FSTL5: variants seen among roughly 807,000 people sequenced by gnomAD.
FSTL5 encodes follistatin like 5.
In FSTL5, 62 loss-of-function variants were observed where a neutral mutation model predicts 89.1. The ratio of observed to expected loss-of-function variants is 0.70; its 90% CI spans 0.57 to 0.86. The LOEUF is 0.86. FSTL5 is among the 40% of genes least tolerant of loss of function. The pLI is 0.00. For missense variants in FSTL5, 1,057 were observed against 1,001.6 expected (o/e 1.06, Z -0.75); for synonymous variants, 383 against 346.2 (o/e 1.11, Z -1.18).
chr4:162,102,601 ATAT>A (rs1311596433), intron 2 of FSTL5, among the ~76,000 whole-genome samples: 1 of 145,762 alleles, frequency 6.9e-6, no homozygotes, highest in Non-Finnish European at 1.5e-5. Context: ...TATATATTTA[ATAT>A]TATATTATAT....
chr4:161,616,626 C>A (rs1734878900), intron 7 of FSTL5, among the ~76,000 whole-genome samples: 1 of 152,046 alleles, frequency 6.6e-6, no homozygotes, highest in South Asian at 2.1e-4. Flanking sequence ...ATGCATCAAT[C>A]CTATTATCCC....
At chr4:162,050,489 C>T (rs193302360) in intron 2 of FSTL5, among the ~76,000 whole-genome samples, 1 of 149,642 alleles carries the variant, frequency 6.7e-6, no homozygotes, top group Non-Finnish European at 1.5e-5. Flanking sequence ...TGAACTATTT[C>T]TATTTAAATA....
chr4:161,461,701 G>A (rs1733590335), intron 13 of FSTL5, among the ~76,000 whole-genome samples: 1 of 151,832 alleles, frequency 6.6e-6, no homozygotes, highest in African/African-American at 2.4e-5. Context: ...ATTTTTTCAT[G>A]TACTAATCAA....
At chr4:161,838,439 C>T (rs1364323083) in intron 4 of FSTL5, among the ~76,000 whole-genome samples, 2 of 152,046 alleles carry the variant, frequency 1.3e-5, no homozygotes, top group Non-Finnish European at 2.9e-5. Flanking sequence ...CCCACCACCG[C>T]GCCCGGCTAA....
intron 2 of FSTL5, among the ~76,000 whole-genome samples, chr4:162,103,690 TTACTGTCCCC>T (rs1425312882): frequency 1.3e-5 from 2 of 152,178 alleles, no homozygotes; most frequent in East Asian, 3.9e-4. Flanking sequence ...AAATGACCAC[TTACTGTCCCC>T]TACTGAGAGA....
intron 15 of FSTL5, among the ~76,000 whole-genome samples, chr4:161,452,534 C>A (rs1733201940): frequency 6.6e-6 from 1 of 151,820 alleles, no homozygotes; most frequent in African/African-American, 2.4e-5. Flanking sequence ...ATATTCATTG[C>A]TCAGGTGTTC....
At chr4:161,634,240 C>G (rs1735609331) in intron 7 of FSTL5, among the ~76,000 whole-genome samples, 1 of 152,108 alleles carries the variant, frequency 6.6e-6, no homozygotes, top group Non-Finnish European at 1.5e-5. Context: ...GATAATAATA[C>G]AAAACTTTCA....
At chr4:161,946,739 C>A (rs1229332798) in intron 3 of FSTL5, among the ~76,000 whole-genome samples, 2 of 152,130 alleles carry the variant, frequency 1.3e-5, no homozygotes, top group Non-Finnish European at 2.9e-5. Context: ...GAAGTATGTT[C>A]TCATTATTCT....
intron 8 of FSTL5, among the ~76,000 whole-genome samples, chr4:161,546,256 TAAG>T (rs1732001309): frequency 6.7e-6 from 1 of 148,434 alleles, no homozygotes; most frequent in African/African-American, 2.4e-5. Context: ...TAGAATAGAT[TAAG>T]AATACTATAA....
chr4:162,052,733 C>A (rs1738420623), intron 2 of FSTL5, among the ~76,000 whole-genome samples: 1 of 151,722 alleles, frequency 6.6e-6, no homozygotes, highest in Non-Finnish European at 1.5e-5. Flanking sequence ...GTGACAAAAA[C>A]CATGATATTA....
At chr4:161,630,158 T>C (rs76994279) in intron 7 of FSTL5, among the ~76,000 whole-genome samples, 3,310 of 152,264 alleles carry the variant, frequency 0.022, 111 homozygotes, top group African/African-American at 0.074. Flanking sequence ...TCCATAAAAC[T>C]GCGGGACCCT....
chr4:161,668,750 A>G (rs1173532217), intron 6 of FSTL5, among the ~76,000 whole-genome samples: 2 of 152,170 alleles, frequency 1.3e-5, no homozygotes, highest in African/African-American at 4.8e-5. Flanking sequence ...CATCAACAAG[A>G]TAAGAGGAAA....
intron 3 of FSTL5, among the ~76,000 whole-genome samples, chr4:162,017,463 A>G (rs1736946738): frequency 6.6e-6 from 1 of 152,186 alleles, no homozygotes. Flanking sequence ...AGATGACCAT[A>G]TAAGGTGGCA....
At chr4:162,098,869 C>T (rs1480972694) in intron 2 of FSTL5, among the ~76,000 whole-genome samples, 1 of 152,048 alleles carries the variant, frequency 6.6e-6, no homozygotes, top group African/African-American at 2.4e-5. Context: ...TGCACATCTA[C>T]ATGCAAAAAC....
chr4:161,478,133 T>G (rs1029093605), intron 13 of FSTL5, among the ~76,000 whole-genome samples: 2 of 152,074 alleles, frequency 1.3e-5, no homozygotes, highest in Non-Finnish European at 2.9e-5. Context: ...AGAAATAAAG[T>G]GTACAAAATT....
chr4:161,948,485 C>CTT (rs35577056), intron 3 of FSTL5, among the ~76,000 whole-genome samples: 36,884 of 113,964 alleles, frequency 0.32, 7,888 homozygotes, highest in Non-Finnish European at 0.42. Context: ...TCTTTTCTTT[C>CTT]TTTTTTTTTT....
chr4:162,013,248 G>C (rs1264992374), intron 3 of FSTL5, among the ~76,000 whole-genome samples: 6 of 151,926 alleles, frequency 3.9e-5, no homozygotes, highest in African/African-American at 1.5e-4. Flanking sequence ...CATTTCTCAA[G>C]ATCACTTCAA....
chr4:161,784,659 C>T (rs554273654), intron 4 of FSTL5, among the ~76,000 whole-genome samples: 2 of 151,964 alleles, frequency 1.3e-5, no homozygotes, highest in East Asian at 2.0e-4. Flanking sequence ...CTTTGGAAGG[C>T]GGAGGCGGGT....
intron 5 of FSTL5, among the ~76,000 whole-genome samples, chr4:161,768,204 A>G (rs1249625614): frequency 2.0e-5 from 3 of 152,098 alleles, no homozygotes; most frequent in Non-Finnish European, 4.4e-5. Flanking sequence ...TAGAACTTCA[A>G]ATATCTGTGC....
Sources: gnomAD v4.1 joint callset for allele counts (sites outside exome capture counted in the v4.1 genomes callset) on GRCh38, gnomAD v4.1.1 for gene constraint, MANE v1.5 for transcripts, NCBI Gene and HGNC (gene_info 2026-07-23, HGNC 2026-07-21) for gene names.